Variants in NOL4L observed in about 807,000 individuals in gnomAD.
The protein encoded by NOL4L is nucleolar protein 4 like.
NOL4L carries 7 observed loss-of-function variants against 64.5 expected under a neutral mutation model. The observed-to-expected ratio is 0.11, with a 90% CI of 0.06 to 0.20. The LOEUF is 0.20. NOL4L is among the 10% of genes least tolerant of loss of function. The probability of loss-of-function intolerance (pLI) is 1.00; values close to 1 mark genes in which losing one functional copy is unlikely to be tolerated. For missense variants in NOL4L, 680 were observed against 967.1 expected, an observed-to-expected ratio of 0.70 and a Z score of 3.94; for synonymous variants, 413 against 401.0, an observed-to-expected ratio of 1.03 and a Z score of -0.36.
In NOL4L at chr20:32,475,833, T is replaced by TAAGA. The variant is rs1182755909; in HGVS notation, c.700-1092_700-1091insTCTT. Among the ~76,000 whole-genome samples, 5 of 152,218 alleles carry TAAGA rather than the reference T, an allele frequency of 3.3e-5. No homozygotes were observed. The East Asian group carries it at 9.6e-4, about 29-fold the overall frequency. The stretch of plus-strand genomic sequence containing the variant: ...CAAACACACTTTGGTTGGAACTTTC[T>TAAGA]TAGACTGCTGTCCCTGAGGCAGACA... On this transcript the variant is annotated intron_variant, in intron 4 of 10. Transcript: ENST00000621426.
At chr20:32,570,356 G>GTC (rs1454876543) in intron 1 of NOL4L, among the ~76,000 whole-genome samples, 1 of 152,216 alleles carries the variant, frequency 6.6e-6, no homozygotes, top group Non-Finnish European at 1.5e-5. Context: ...GCTGTCCACA[G>GTC]CAGCTCAGAG....
At chr20:32,455,201 T>C (rs1340392329) in intron 6 of NOL4L, among the ~76,000 whole-genome samples, 1 of 152,122 alleles carries the variant, frequency 6.6e-6, no homozygotes, top group Non-Finnish European at 1.5e-5. Flanking sequence ...GCCCCCCATG[T>C]ACCCTGTGGC....
intron 4 of NOL4L, among the ~76,000 whole-genome samples, chr20:32,507,893 C>T (rs1300739597): frequency 6.6e-6 from 1 of 152,098 alleles, no homozygotes; most frequent in Non-Finnish European, 1.5e-5. Context: ...CTCCTGTAAT[C>T]CCAGCTACTC....
In NOL4L at chr20:32,460,054, C is replaced by T. The variant is rs906627725; in HGVS notation, c.842-3659G>A. Among the ~76,000 whole-genome samples, 1 of 152,130 alleles carries T rather than the reference C, an allele frequency of 6.6e-6. No individual in the cohort carries two copies. ...TCTGGAACAGGCAAATTCACAGAGA[C>T]AGAAGGTACAGTGAGGCTCCACGGG... On this transcript the variant is annotated intron_variant, in intron 5 of 10. Transcript: ENST00000621426. The surrounding 1 kb of genome is among the most constrained non-coding windows in gnomAD (Gnocchi z 5.7).
Position 32,452,411 on chromosome 20 carries a change from C to T in NOL4L, c.1647G>A (p.Gln549=). Residue 549 remains glutamine, a synonymous_variant, in exon 10 of 11, where the codon CAG becomes CAA. Coordinates refer to ENST00000621426, the MANE Select transcript of NOL4L (RefSeq NM_001256798.2). ...TGATGGCTGCGGAGTCCCGCGAGTGCTGCTTGTCCAGGGCTATGGGCTCAT... is the reference window on the plus strand; with the variant it reads ...TGATGGCTGCGGAGTCCCGCGAGTGTTGCTTGTCCAGGGCTATGGGCTCAT... ...SQDEPIALDK[Q]HSRDSAAITH... The T allele has an allele frequency of 6.2e-7, 1 of 1,607,864 alleles. No homozygotes were observed. Among genetic ancestry groups the T allele is most frequent in the Non-Finnish European group, 8.5e-7 (1 of 1,176,756 alleles).
At chr20:32,557,927 T>C (rs1158434795) in intron 1 of NOL4L, among the ~76,000 whole-genome samples, 1 of 152,062 alleles carries the variant, frequency 6.6e-6, no homozygotes, top group Admixed American at 6.6e-5. Context: ...TAGCCAGGCA[T>C]GGTGGCACCC....
chr20:32,511,566 G>C, intron 3 of NOL4L, 110 bp from the exon 4 acceptor site: 1 of 700,652 alleles, frequency 1.4e-6, no homozygotes, highest in South Asian at 1.9e-5. Context: ...GGAGGAGAAG[G>C]GACAGGTCAG....
chr20:32,504,276 AGAG>A (rs1461428652), intron 4 of NOL4L, among the ~76,000 whole-genome samples: 5 of 152,170 alleles, frequency 3.3e-5, no homozygotes, highest in Non-Finnish European at 7.3e-5. Flanking sequence ...GAAACATCTC[AGAG>A]GCCGGGCGTG....
intron 10 of NOL4L, among the ~76,000 whole-genome samples, chr20:32,448,346 G>A (rs533985577): frequency 6.6e-5 from 10 of 151,978 alleles, no homozygotes; most frequent in East Asian, 3.9e-4. Context: ...GCTGAGAGTC[G>A]AGCCACAAAA....
At chr20:32,526,190 C>A (rs753695311) in intron 2 of NOL4L, among the ~76,000 whole-genome samples, 1 of 152,196 alleles carries the variant, frequency 6.6e-6, no homozygotes, top group African/African-American at 2.4e-5. Context: ...ATGCCCCACC[C>A]ACAATGGTAA....
intron 3 of NOL4L, among the ~76,000 whole-genome samples, chr20:32,513,868 A>G (rs2017525212): frequency 6.6e-6 from 1 of 152,192 alleles, no homozygotes; most frequent in Admixed American, 6.5e-5. Flanking sequence ...ACAAACAAAC[A>G]AAATTATTAA....
chr20:32,472,035 G>A (rs1173702151), intron 5 of NOL4L, among the ~76,000 whole-genome samples: 1 of 152,172 alleles, frequency 6.6e-6, no homozygotes, highest in Non-Finnish European at 1.5e-5. Context: ...ACACAGGTGT[G>A]TCATCAGCAC....
chr20:32,543,170 AG>A (rs1789232615), intron 1 of NOL4L, among the ~76,000 whole-genome samples: 1 of 152,214 alleles, frequency 6.6e-6, no homozygotes, highest in African/African-American at 2.4e-5. Flanking sequence ...GAGGGCCCTC[AG>A]GAACAGGGCA....
In NOL4L at chr20:32,453,811, C is replaced by T. The variant is rs2013189056; in HGVS notation, c.1120-50G>A. The stretch of plus-strand genomic sequence containing the variant: ...GGTTGGGCCAAGCAGCTGCTCAAGC[C>T]CTTGCTGGGTCTCCTACAGGCGGTG... On this transcript the variant is annotated intron_variant, in intron 6 of 10. Coordinates refer to ENST00000621426, the MANE Select transcript of NOL4L (RefSeq NM_001256798.2). The surrounding 1 kb of genome is among the most constrained non-coding windows in gnomAD (Gnocchi z 5.6). 1.3e-6 allele frequency: 2 copies of T among 1,526,078 alleles called. No individual in the cohort carries two copies. Among genetic ancestry groups the T allele is most frequent in the Non-Finnish European group, 1.8e-6 (2 of 1,126,640 alleles). 94.5% of individuals were successfully genotyped at this position (1,526,078 alleles called of 1,614,324 possible). A position where few individuals can be genotyped will look rare whatever the true frequency, so the allele number is the denominator to read the frequency against.
intron 5 of NOL4L, among the ~76,000 whole-genome samples, chr20:32,467,918 C>T (rs1737895): frequency 6.6e-6 from 1 of 152,182 alleles, no homozygotes; most frequent in Non-Finnish European, 1.5e-5. Context: ...AAATACCGAG[C>T]CCTGGGCACT....
Position 32,578,176 on chromosome 20 carries a change from G to T in NOL4L, c.321+6394C>A, listed in dbSNP as rs1258078368. Among the ~76,000 whole-genome samples, 205 of 139,104 alleles carry T rather than the reference G, an allele frequency of 1.5e-3. 1 individual carries two copies. Among genetic ancestry groups the T allele is most frequent in the Non-Finnish European group, 2.4e-3 (154 of 63,842 alleles). The allele number at this position is 139,104 out of a possible 152,430, so 91.3% of individuals were successfully genotyped here. A position where few individuals can be genotyped will look rare whatever the true frequency, so the allele number is the denominator to read the frequency against. On this transcript the variant is annotated intron_variant, in intron 1 of 10. Coordinates refer to ENST00000621426, the MANE Select transcript of NOL4L (RefSeq NM_001256798.2). ...GGAGGGAGGGAGGGAGGGAGGGAGG[G>T]AAGGAAGGAAAATTAAGGCCAAACT...
intron 4 of NOL4L, among the ~76,000 whole-genome samples, chr20:32,509,520 A>G (rs1054622798): frequency 1.5e-5 from 2 of 132,502 alleles, no homozygotes; most frequent in Admixed American, 1.4e-4. Context: ...TCTGCCTCAA[A>G]AAAAAAAAAA....
At chr20:32,470,725 CTG>C (rs1191766622) in intron 5 of NOL4L, among the ~76,000 whole-genome samples, 1 of 152,264 alleles carries the variant, frequency 6.6e-6, no homozygotes, top group Non-Finnish European at 1.5e-5. Flanking sequence ...GGGCAGGAAA[CTG>C]TGGCAGGAGC....
At chr20:32,557,317 G>A (rs1199103082) in intron 1 of NOL4L, among the ~76,000 whole-genome samples, 1 of 152,244 alleles carries the variant, frequency 6.6e-6, no homozygotes, top group Non-Finnish European at 1.5e-5. Flanking sequence ...CTTGCATTGT[G>A]ATGGTGCTGC....
Sources: gnomAD v4.1 joint callset for allele counts (sites outside exome capture counted in the v4.1 genomes callset) on GRCh38, gnomAD v4.1.1 for gene constraint, Gnocchi (gnomAD v3.1) non-coding constraint, MANE v1.5 for transcripts, NCBI Gene and HGNC (gene_info 2026-07-23, HGNC 2026-07-21) for gene names.